CSMD1: variants seen among roughly 807,000 people sequenced by gnomAD.
CSMD1 encodes the protein CUB and Sushi multiple domains 1.
A neutral mutation model predicts 417.5 loss-of-function variants in CSMD1; 213 were observed. That is an observed-to-expected ratio of 0.51 (90% confidence interval 0.46 to 0.57). CSMD1 has a LOEUF of 0.57. CSMD1 is among the 20% of genes least tolerant of loss of function. The pLI is 0.00. For missense variants in CSMD1, 6,923 were observed against 4,529.7 expected (o/e 1.53, Z -15.17); for synonymous variants, 2,862 against 1,736.8 (o/e 1.65, Z -16.11).
intron 2 of CSMD1, among the ~76,000 whole-genome samples, chr8:4,464,350 T>C (rs933509202): frequency 1.3e-5 from 2 of 152,142 alleles, no homozygotes; most frequent in African/African-American, 4.8e-5. Flanking sequence ...ATAAAAACAT[T>C]GTAAGCTGAA....
At chr8:4,972,361 T>G (rs56255409) in intron 1 of CSMD1, among the ~76,000 whole-genome samples, 3 of 152,222 alleles carry the variant, frequency 2.0e-5, no homozygotes, top group South Asian at 2.1e-4. Context: ...GTGCAGGTAA[T>G]TGAATCATGG....
At chr8:4,899,324 T>A (rs1224874186) in intron 1 of CSMD1, among the ~76,000 whole-genome samples, 2 of 102,830 alleles carry the variant, frequency 1.9e-5, no homozygotes, top group African/African-American at 8.2e-5. Flanking sequence ...CCTTTAAAAT[T>A]GAAGTGGCAT....
intron 12 of CSMD1, among the ~76,000 whole-genome samples, chr8:3,446,479 G>C (rs1388472026): frequency 6.6e-6 from 1 of 152,174 alleles, no homozygotes; most frequent in African/African-American, 2.4e-5. Context: ...CTGATGATCA[G>C]AGAATTAATT....
At chr8:4,644,488 C>G (rs949242220) in intron 1 of CSMD1, among the ~76,000 whole-genome samples, 1 of 152,148 alleles carries the variant, frequency 6.6e-6, no homozygotes, top group African/African-American at 2.4e-5. Flanking sequence ...CTCACTGCAG[C>G]CTCCACCTCC....
intron 4 of CSMD1, among the ~76,000 whole-genome samples, chr8:4,006,235 C>A (rs150310571): frequency 6.6e-6 from 1 of 152,182 alleles, no homozygotes; most frequent in Middle Eastern, 3.4e-3. Flanking sequence ...TGACTTTGTG[C>A]GCAGGAGTAA....
At chr8:4,165,759 T>A (rs1797421898) in intron 3 of CSMD1, among the ~76,000 whole-genome samples, 1 of 152,196 alleles carries the variant, frequency 6.6e-6, no homozygotes, top group African/African-American at 2.4e-5. Flanking sequence ...TTCTTCCTGG[T>A]CATGCCATGA....
intron 37 of CSMD1, among the ~76,000 whole-genome samples, chr8:3,170,366 C>A (rs1278718820): frequency 6.6e-6 from 1 of 152,152 alleles, no homozygotes; most frequent in Non-Finnish European, 1.5e-5. Context: ...TACCACCATA[C>A]CTGGCTAATT....
At chr8:3,176,407 G>C (rs1820939706) in intron 37 of CSMD1, among the ~76,000 whole-genome samples, 1 of 152,014 alleles carries the variant, frequency 6.6e-6, no homozygotes, top group African/African-American at 2.4e-5. Context: ...CAGATAGATA[G>C]ATCTCATTAA....
intron 3 of CSMD1, among the ~76,000 whole-genome samples, chr8:4,419,440 C>A (rs1246577062): frequency 6.6e-6 from 1 of 152,060 alleles, no homozygotes; most frequent in East Asian, 1.9e-4. Context: ...GGTATCTAGG[C>A]ACAAAATCTG....
rs1007665434 is a variant in CSMD1 at position 4,097,880 on chromosome 8, T to C, written c.416-65781A>G. Among the ~76,000 whole-genome samples, 13 of 152,184 alleles carry C rather than the reference T, an allele frequency of 8.5e-5. 1 individual carries two copies. The highest frequency in any genetic ancestry group is 3.1e-4 in the African/African-American group (13 of 41,454). ...ACTACTGTGTGACTACGTCTATCCA[T>C]GGGGCTTCATCAGCTGAACATTTGG... On this transcript the variant is annotated intron_variant, in intron 3 of 69. Coordinates refer to ENST00000635120, the MANE Select transcript of CSMD1 (RefSeq NM_033225.6).
At chr8:4,619,794 A>G (rs2616974) in intron 2 of CSMD1, among the ~76,000 whole-genome samples, 48,624 of 152,012 alleles carry the variant, frequency 0.32, 8,356 homozygotes, top group Non-Finnish European at 0.37. Context: ...TGGTATTCAT[A>G]TCACATAGCA....
rs140769180 is a variant in CSMD1 at position 4,448,280 on chromosome 8, A to G, written c.303-28215T>C. ...TAGCAAAGCATTTCCAAATATAGTT[A>G]TAACACAAAAAAGGGTACATTTTGT... is the stretch of plus-strand genomic sequence containing the variant. On this transcript the variant is annotated intron_variant, in intron 2 of 69. Transcript: ENST00000635120. 5.9e-5 allele frequency among the ~76,000 whole-genome samples: 9 copies of G among 152,334 alleles called. No homozygotes were observed. In the East Asian group the frequency reaches 1.4e-3, roughly 23 times the overall value.
intron 1 of CSMD1, among the ~76,000 whole-genome samples, chr8:4,664,190 G>A (rs1190614071): frequency 6.6e-6 from 1 of 152,304 alleles, no homozygotes; most frequent in East Asian, 1.9e-4. Context: ...GTAGCCCAGG[G>A]AGTAGTTTTC....
chr8:4,535,506 A>C (rs1424230460), intron 2 of CSMD1, among the ~76,000 whole-genome samples: 1 of 152,172 alleles, frequency 6.6e-6, no homozygotes, highest in Non-Finnish European at 1.5e-5. Flanking sequence ...CATTGCCATT[A>C]TCATTCTTTC....
At chr8:4,044,193 G>C (rs192381606) in intron 3 of CSMD1, among the ~76,000 whole-genome samples, 3 of 152,150 alleles carry the variant, frequency 2.0e-5, no homozygotes, top group Admixed American at 1.3e-4. Flanking sequence ...TAAAAGTTGA[G>C]GGATCTGCAC....
intron 3 of CSMD1, among the ~76,000 whole-genome samples, chr8:4,206,629 G>C (rs1242107755): frequency 2.0e-5 from 3 of 152,198 alleles, no homozygotes; most frequent in Non-Finnish European, 4.4e-5. Flanking sequence ...ACTGTGAACA[G>C]TGATGCAATA....
chr8:3,470,830 C>T (rs1469327804), intron 11 of CSMD1, among the ~76,000 whole-genome samples: 1 of 152,148 alleles, frequency 6.6e-6, no homozygotes, highest in Non-Finnish European at 1.5e-5. Flanking sequence ...AGATTTATCC[C>T]AGTTGTTGTT....
At chr8:4,307,041 G>A (rs73502698) in intron 3 of CSMD1, among the ~76,000 whole-genome samples, 8,407 of 151,976 alleles carry the variant, frequency 0.055, 579 homozygotes, top group African/African-American at 0.16. Flanking sequence ...GTCCACTGTG[G>A]GGTTTATGGT....
chr8:4,527,721 T>C (rs549324345), intron 2 of CSMD1, among the ~76,000 whole-genome samples: 2 of 152,326 alleles, frequency 1.3e-5, no homozygotes, highest in African/African-American at 4.8e-5. Flanking sequence ...GGTACACTGA[T>C]AATGAAATGC....
Sources: allele counts gnomAD v4.1 joint callset (sites outside exome capture counted in the v4.1 genomes callset), GRCh38; gene constraint gnomAD v4.1.1; transcripts MANE v1.5; gene names NCBI Gene and HGNC (gene_info 2026-07-23, HGNC 2026-07-21).